The following NEB variants were observed in gnomAD, a reference collection of about 807,000 sequenced individuals.
NEB encodes nebulin, also known as nemaline myopathy type 2.
Under a neutral mutation model 952.2 loss-of-function variants are expected in NEB, and 512 were observed. The observed-to-expected ratio is 0.54, with a 90% CI of 0.50 to 0.58. The LOEUF is 0.58. Ranked by LOEUF, NEB falls within the 20% of genes least tolerant of loss-of-function variation. NEB has a pLI of 0.00. For missense variants in NEB, 8,428 were observed against 9,231.1 expected, an observed-to-expected ratio of 0.91 and a Z score of 3.56; for synonymous variants, 2,900 against 3,149.8, an observed-to-expected ratio of 0.92 and a Z score of 2.66.
At chr2:151,523,117 A>AT (rs1398833115) in intron 153 of NEB, among the ~76,000 whole-genome samples, 1 of 152,240 alleles carries the variant, frequency 6.6e-6, no homozygotes, top group Non-Finnish European at 1.5e-5. Flanking sequence ...ATTTAAAAAC[A>AT]TTAACTTTTT....
At chr2:151,680,526 A>T (rs1251617779) in intron 30 of NEB, among the ~76,000 whole-genome samples, 1 of 152,192 alleles carries the variant, frequency 6.6e-6, no homozygotes, top group East Asian at 1.9e-4. Flanking sequence ...CAAATGGCTA[A>T]AAGGACAGTC....
intron 10 of NEB, among the ~76,000 whole-genome samples, chr2:151,714,792 G>T (rs2099754726): frequency 6.6e-6 from 1 of 152,008 alleles, no homozygotes; most frequent in Non-Finnish European, 1.5e-5. Flanking sequence ...TCCTATTTTA[G>T]GGAGAAAGAA....
chr2:151,526,973 A>G lies in NEB; in HGVS notation c.21890T>C (p.Val7297Ala). 1.2e-6 allele frequency: 2 copies of G among 1,604,826 alleles called. No homozygotes were observed. Among genetic ancestry groups the G allele is most frequent in the Non-Finnish European group, 1.7e-6 (2 of 1,174,986 alleles). ...REFLKGCKLS[V>A]TDDKNTVLAL... ...GAGCACCGTGTTTTTGTCATCAGTG[A>G]CAGAAAGCTTGCAACCCTTGAGGAA... is the stretch of plus-strand genomic sequence containing the variant. Residue 7297 changes from valine to alanine, a missense_variant, in exon 148 of 182, where the codon GTC becomes GCC. Transcript: ENST00000397345.
chr2:151,537,130 A>G lies in NEB; in HGVS notation c.21207+2T>C. 1 of 1,592,244 alleles carries G rather than the reference A, an allele frequency of 6.3e-7. No homozygotes were observed. The highest frequency in any genetic ancestry group is 8.6e-7 in the Non-Finnish European group (1 of 1,160,690). ...AGGCCAATTCTCCTTGAGTATATAT[A>G]CCTTGCTGTAGAGAGTCTTGTTCTT... On this transcript the variant is annotated splice_donor_variant, in intron 141 of 181. Coordinates refer to ENST00000397345, the MANE Select transcript of NEB (RefSeq NM_001164508.2). LOFTEE classifies it high-confidence loss of function.
At chr2:151,666,756 G>T (rs1256176865) in intron 40 of NEB, among the ~76,000 whole-genome samples, 1 of 151,908 alleles carries the variant, frequency 6.6e-6, no homozygotes, top group Non-Finnish European at 1.5e-5. Context: ...CTGTCCCCCA[G>T]GCTAGAGTGC....
rs946516629 is a variant in NEB at position 151,533,456 on chromosome 2, G to A, written c.21403C>T (p.His7135Tyr). 1 of 1,550,188 alleles carries A rather than the reference G, an allele frequency of 6.5e-7. No individual in the cohort carries two copies. Reference sequence around the variant, plus strand: ...TCAGACATTACCTGGCTCCACATATGCGAATTGTAGAGAGCAGTCAACATA... The same window carrying A: ...TCAGACATTACCTGGCTCCACATATACGAATTGTAGAGAGCAGTCAACATA... ...PDMLTALYNS[H>Y]MWSQIKYRKN... Residue 7135 changes from histidine to tyrosine, a missense_variant, in exon 143 of 182, where the codon CAT (histidine) becomes TAT (tyrosine). Coordinates refer to ENST00000397345, the MANE Select transcript of NEB (RefSeq NM_001164508.2).
intron 55 of NEB, 40 bp from the exon 56 acceptor site, chr2:151,644,615 C>G: frequency 6.7e-7 from 1 of 1,499,672 alleles, no homozygotes; most frequent in South Asian, 1.1e-5. Context: ...ATACTGTTCC[C>G]CATAGACAAA....
chr2:151,553,801 G>T (rs767875193), intron 126 of NEB, 27 bp downstream of exon 126: 3 of 1,585,162 alleles, frequency 1.9e-6, no homozygotes, highest in Non-Finnish European at 2.6e-6. Flanking sequence ...GGGCCGTGGA[G>T]GGGTACTTCT....
chr2:151,723,016 T>C (rs2099779352), intron 9 of NEB, among the ~76,000 whole-genome samples: 1 of 152,296 alleles, frequency 6.6e-6, no homozygotes. Context: ...TTTTAAAAAT[T>C]GTCATTCTGT....
chr2:151,697,492 T>C, intron 14 of NEB, 35 bp from the exon 15 acceptor site: 6 of 1,605,644 alleles, frequency 3.7e-6, no homozygotes, highest in Non-Finnish European at 5.1e-6. Context: ...TATTAATTGG[T>C]GAAATAATGG....
At position 151,562,608 on chromosome 2, in the gene NEB, T is replaced by C. The variant is rs2096140630; in HGVS notation, c.18891+3A>G. 6.4e-7 allele frequency: 1 copy of C among 1,565,662 alleles called. No individual in the cohort carries two copies. Among genetic ancestry groups the C allele is most frequent in the Admixed American group, 1.7e-5 (1 of 58,378 alleles). ...GAGTCAAGCTGCAGAAGGGACATCA[T>C]ACATCACTCAAGATCTCCTGGGCGT... On this transcript the variant is annotated splice_donor_region_variant and intron_variant, in intron 120 of 181. Coordinates refer to ENST00000397345, the MANE Select transcript of NEB (RefSeq NM_001164508.2).
At chr2:151,568,798 T>C in intron 110 of NEB, 82 bp from the exon 111 acceptor site, 1 of 983,400 alleles carries the variant, frequency 1.0e-6, no homozygotes, top group Non-Finnish European at 1.5e-6. Flanking sequence ...TTTAGAGTCC[T>C]TCTCTACTAG....
intron 146 of NEB, among the ~76,000 whole-genome samples, chr2:151,528,378 T>G (rs1435283009): frequency 1.3e-5 from 2 of 152,150 alleles, no homozygotes; most frequent in Non-Finnish European, 2.9e-5. Flanking sequence ...TTTAATAAGG[T>G]TTTTTTCCCC....
In NEB at chr2:151,679,845, A is replaced by G; in HGVS notation, c.3148-17T>C. 6.2e-7 allele frequency: 1 copy of G among 1,611,494 alleles called. No individual in the cohort carries two copies. Among genetic ancestry groups the G allele is most frequent in the Non-Finnish European group, 8.5e-7 (1 of 1,177,576 alleles). ...GTACATATTCTGAAAGAAAAATGTCATTTAAGTACAACTTAGAGACTGTGT... is the reference window on the plus strand; with the variant it reads ...GTACATATTCTGAAAGAAAAATGTCGTTTAAGTACAACTTAGAGACTGTGT... On this transcript the variant is annotated splice_polypyrimidine_tract_variant and intron_variant, in intron 31 of 181. Coordinates refer to ENST00000397345, the MANE Select transcript of NEB (RefSeq NM_001164508.2).
Position 151,697,406 on chromosome 2 carries a change from T to C in NEB, c.1309A>G (p.Ser437Gly). Residue 437 changes from serine (S) to glycine (G), a missense_variant, in exon 15 of 182, where the codon AGC (serine) becomes GGC (glycine). Ser to Gly is a moderately conservative substitution (Grantham distance 56, BLOSUM62 0). Coordinates refer to ENST00000397345, the MANE Select transcript of NEB (RefSeq NM_001164508.2). Reference sequence around the variant, plus strand: ...TGTGAATGGTATGGATCCTCGAAGCTGCCTACATAATGTCCCAAAATATCT... The same window carrying C: ...TGTGAATGGTATGGATCCTCGAAGCCGCCTACATAATGTCCCAAAATATCT... ...LKDILGHYVG[S>G]FEDPYHSHCM... 6.2e-7 allele frequency: 1 copy of C among 1,614,026 alleles called. No individual in the cohort carries two copies. Among genetic ancestry groups the C allele is most frequent in the Non-Finnish European group, 8.5e-7 (1 of 1,179,876 alleles).
In NEB at chr2:151,705,106, C is replaced by T. The variant is rs547556599; in HGVS notation, c.1152+1775G>A. On this transcript the variant is annotated intron_variant, in intron 13 of 181. Transcript: ENST00000397345. ...AAAAAGTTATATAAGGTGAGAAATA[C>T]GCAATCTCCCTCCCTCCTATACCTA... 7.9e-5 allele frequency among the ~76,000 whole-genome samples: 12 copies of T among 152,140 alleles called. No homozygotes were observed. In the South Asian group the frequency reaches 1.5e-3, roughly 18 times the overall value.
intron 51 of NEB, among the ~76,000 whole-genome samples, 189 bp from the exon 52 acceptor site, chr2:151,654,288 C>G (rs958118609): frequency 4.6e-5 from 7 of 152,116 alleles, no homozygotes; most frequent in Non-Finnish European, 8.8e-5. Flanking sequence ...CATCATATGA[C>G]CTGGCTTTAA....
At chr2:151,542,117 T>C (rs1402702930) in intron 135 of NEB, among the ~76,000 whole-genome samples, 1 of 152,214 alleles carries the variant, frequency 6.6e-6, no homozygotes, top group African/African-American at 2.4e-5. Flanking sequence ...CACTTCTCTG[T>C]AGCAACTGAA....
At chr2:151,701,718 T>C (rs1464245558) in intron 13 of NEB, among the ~76,000 whole-genome samples, 5 of 150,834 alleles carry the variant, frequency 3.3e-5, no homozygotes, top group Non-Finnish European at 7.4e-5. Context: ...GATATCCCCT[T>C]TATCATTTTT....
Sources: allele counts gnomAD v4.1 joint callset (sites outside exome capture counted in the v4.1 genomes callset), GRCh38; gene constraint gnomAD v4.1.1; transcripts MANE v1.5; gene names NCBI Gene and HGNC (gene_info 2026-07-23, HGNC 2026-07-21).